The following EXOC2 variants were observed in gnomAD, a reference collection of about 807,000 sequenced individuals.
The protein encoded by EXOC2 is SEC5-like 1.
Under a neutral mutation model 131.8 loss-of-function variants are expected in EXOC2, and 70 were observed. That is an observed-to-expected ratio of 0.53 (90% CI 0.44 to 0.65). The LOEUF (loss-of-function observed/expected upper bound fraction) is 0.65, where lower values mean the gene tolerates loss of function less well. EXOC2 is among the 30% of genes least tolerant of loss of function. The pLI is 0.00. For missense variants in EXOC2, 923 were observed against 1,108.6 expected, an observed-to-expected ratio of 0.83 and a Z score of 2.38; for synonymous variants, 411 against 398.4, an observed-to-expected ratio of 1.03 and a Z score of -0.38.
chr6:539,889 T>C (rs746593760), intron 22 of EXOC2, among the ~76,000 whole-genome samples: 11 of 152,212 alleles, frequency 7.2e-5, no homozygotes. Context: ...GGTGGCAAAC[T>C]GACATTCCTT....
intron 23 of EXOC2, among the ~76,000 whole-genome samples, chr6:517,516 T>C (rs1372150939): frequency 6.7e-6 from 1 of 150,174 alleles, no homozygotes; most frequent in East Asian, 2.0e-4. Flanking sequence ...GCCCCTCCTG[T>C]ATGAACTGTA....
Position 542,857 on chromosome 6 carries a change from G to C in EXOC2, c.2238+6318C>G, listed in dbSNP as rs373334881. ...AGTAGGGGGACAAAAAGCCATGAGA[G>C]AAAGAGGCAAGAGAGCCAGATGAAA... On this transcript the variant is annotated intron_variant, in intron 22 of 27. Coordinates refer to ENST00000230449, the MANE Select transcript of EXOC2 (RefSeq NM_018303.6). Among the ~76,000 whole-genome samples the C allele has an allele frequency of 7.2e-5, 11 of 152,308 alleles. No individual in the cohort carries two copies. In the South Asian group the frequency reaches 2.1e-3, roughly 29 times the overall value.
intron 13 of EXOC2, among the ~76,000 whole-genome samples, chr6:571,424 C>A (rs530169327): frequency 3.3e-5 from 5 of 152,096 alleles, no homozygotes; most frequent in African/African-American, 1.2e-4. Context: ...AGGAATCCAG[C>A]GGGTTTACAA....
At position 493,757 on chromosome 6, in the gene EXOC2, G is replaced by C. The variant is rs73378920; in HGVS notation, c.2560-2571C>G. On this transcript the variant is annotated intron_variant, in intron 25 of 27. Coordinates refer to ENST00000230449, the MANE Select transcript of EXOC2 (RefSeq NM_018303.6). ...AGTGGGAGAGTGAAGCGGGAGTTTA[G>C]ACTCACGACCTTTTTCAAAATACAC... 6.3e-3 allele frequency among the ~76,000 whole-genome samples: 961 copies of C among 152,224 alleles called. 12 individuals carry two copies. The highest frequency in any genetic ancestry group is 0.022 in the African/African-American group (899 of 41,536).
chr6:544,449 G>A (rs760268049), intron 22 of EXOC2, among the ~76,000 whole-genome samples: 30 of 152,122 alleles, frequency 2.0e-4, no homozygotes, highest in Admixed American at 1.1e-3. Context: ...AAACACATCT[G>A]ATCAACTTAT....
At chr6:685,954 G>A (rs1764632366) in intron 1 of EXOC2, among the ~76,000 whole-genome samples, 1 of 120,382 alleles carries the variant, frequency 8.3e-6, no homozygotes, top group Non-Finnish European at 1.7e-5. Flanking sequence ...ATGTATTAAT[G>A]TATCCTGCTT....
chr6:678,281 T>C (rs1020954652), intron 1 of EXOC2, among the ~76,000 whole-genome samples: 1 of 152,234 alleles, frequency 6.6e-6, no homozygotes, highest in African/African-American at 2.4e-5. Context: ...TTTATTCAGG[T>C]CCCTTTAATT....
chr6:560,519 C>A (rs573534659), intron 17 of EXOC2, among the ~76,000 whole-genome samples: 1 of 152,210 alleles, frequency 6.6e-6, no homozygotes, highest in East Asian at 1.9e-4. Context: ...GCAGTCTATC[C>A]AAATATTATT....
chr6:677,932 TCTCA>T (rs1049616437), intron 1 of EXOC2, among the ~76,000 whole-genome samples: 3 of 77,204 alleles, frequency 3.9e-5, no homozygotes, highest in African/African-American at 1.2e-4. Context: ...GCTTATAATC[TCTCA>T]CACACACACA....
intron 6 of EXOC2, among the ~76,000 whole-genome samples, chr6:614,291 A>G (rs964228103): frequency 4.6e-5 from 7 of 152,186 alleles, no homozygotes; most frequent in African/African-American, 1.7e-4. Flanking sequence ...GACCATGTCC[A>G]TGTGACGGGG....
intron 27 of EXOC2, among the ~76,000 whole-genome samples, chr6:488,599 C>CT (rs1439877037): frequency 5.7e-4 from 86 of 152,118 alleles, no homozygotes; most frequent in East Asian, 3.3e-3. Context: ...AAAAAAATCA[C>CT]CGACTCCTGC....
At chr6:692,166 T>G (rs1297199985) in intron 1 of EXOC2, among the ~76,000 whole-genome samples, 1 of 152,252 alleles carries the variant, frequency 6.6e-6, no homozygotes, top group East Asian at 1.9e-4. Context: ...GAAAAAATAT[T>G]TTTTAAGTGT....
At chr6:643,305 C>G (rs1380806407) in intron 1 of EXOC2, among the ~76,000 whole-genome samples, 2 of 151,922 alleles carry the variant, frequency 1.3e-5, no homozygotes, top group Non-Finnish European at 2.9e-5. Flanking sequence ...GAATGTTCAC[C>G]AAGATAGACG....
At chr6:502,577 C>T (rs1764286876) in intron 23 of EXOC2, among the ~76,000 whole-genome samples, 1 of 151,986 alleles carries the variant, frequency 6.6e-6, no homozygotes, top group African/African-American at 2.4e-5. Context: ...GAAGTGTAAA[C>T]TGCTCAATGC....
At chr6:611,523 C>T (rs1211120838) in intron 6 of EXOC2, among the ~76,000 whole-genome samples, 3 of 152,218 alleles carry the variant, frequency 2.0e-5, no homozygotes, top group African/African-American at 4.8e-5. Context: ...CCTGGCCCCC[C>T]GGCTCAGTTT....
intron 4 of EXOC2, among the ~76,000 whole-genome samples, chr6:621,044 C>G (rs893520868): frequency 6.6e-6 from 1 of 152,190 alleles, no homozygotes; most frequent in Non-Finnish European, 1.5e-5. Flanking sequence ...CCAGTGGTCT[C>G]AGTCTTACCG....
chr6:664,579 A>G (rs1763556522), intron 1 of EXOC2, among the ~76,000 whole-genome samples: 1 of 152,224 alleles, frequency 6.6e-6, no homozygotes, highest in African/African-American at 2.4e-5. Flanking sequence ...TGGTACTGGT[A>G]TAAAAACAGA....
At chr6:529,161 C>T (rs559357713) in intron 23 of EXOC2, among the ~76,000 whole-genome samples, 2 of 152,176 alleles carry the variant, frequency 1.3e-5, no homozygotes, top group Non-Finnish European at 1.5e-5. Flanking sequence ...TGCTGCCACA[C>T]GATTCACAGC....
Position 540,548 on chromosome 6 carries a change from A to G in EXOC2, c.2239-7938T>C, listed in dbSNP as rs184918142. 2.1e-3 allele frequency among the ~76,000 whole-genome samples: 313 copies of G among 152,344 alleles called. 1 individual carries two copies. Among genetic ancestry groups the G allele is most frequent in the Middle Eastern group, 0.01 (3 of 294 alleles). ...AACATTTCAATACACAGTAAATTTC[A>G]GCAAGATTAGACACAACTGAAGAAA... On this transcript the variant is annotated intron_variant, in intron 22 of 27. Coordinates refer to ENST00000230449, the MANE Select transcript of EXOC2 (RefSeq NM_018303.6).
Sources: allele counts gnomAD v4.1 joint callset (sites outside exome capture counted in the v4.1 genomes callset), GRCh38; gene constraint gnomAD v4.1.1; transcripts MANE v1.5; gene names NCBI Gene and HGNC (gene_info 2026-07-23, HGNC 2026-07-21).